Variants in CLNK observed in about 807,000 individuals in gnomAD.
CLNK encodes cytokine-dependent hematopoietic cell linker.
CLNK carries 74 observed loss-of-function variants against 68.6 expected under a neutral mutation model. The ratio of observed to expected loss-of-function variants is 1.08; its 90% CI spans 0.89 to 1.31. The LOEUF is 1.31. Among genes scored for constraint, CLNK ranks in the 50% most tolerant of loss-of-function variants. The probability of loss-of-function intolerance (pLI) is 0.00; values close to 1 mark genes in which losing one functional copy is unlikely to be tolerated. For missense variants in CLNK, 553 were observed against 515.3 expected, an observed-to-expected ratio of 1.07 and a Z score of -0.71; for synonymous variants, 198 against 172.2, an observed-to-expected ratio of 1.15 and a Z score of -1.17.
the CLNK span, among the ~76,000 whole-genome samples, chr4:10,726,102 G>C: frequency 2.6e-5 from 4 of 152,190 alleles, no homozygotes; most frequent in South Asian, 8.3e-4. Flanking sequence ...GGGGTTTCTG[G>C]CAATCTTTGA....
At chr4:10,688,530 T>C (rs1725348904), upstream of CLNK, among the ~76,000 whole-genome samples, 1 of 152,180 alleles carries the variant, frequency 6.6e-6, no homozygotes, top group Non-Finnish European at 1.5e-5. Flanking sequence ...TGTCAAGTTT[T>C]GGAGTTTCAC....
rs1718974686 is a variant in CLNK at position 10,540,595 on chromosome 4, T to A, written c.501A>T (p.Ile167=). 1 of 1,612,984 alleles carries A rather than the reference T, an allele frequency of 6.2e-7. No individual in the cohort carries two copies. The highest frequency in any genetic ancestry group is 2.2e-5 in the East Asian group (1 of 44,892). ...KIPLPPPRPL[I]TLPKKYQPLP... ...AGGGTTGGTACTTCTTCGGAAGTGTTATGAGAGGCCTGTGTGGAGAGTCGC... is the reference window on the plus strand; with the variant it reads ...AGGGTTGGTACTTCTTCGGAAGTGTAATGAGAGGCCTGTGTGGAGAGTCGC... The change falls in exon 11 of 19, where the codon ATA becomes ATT. Residue 167 remains isoleucine, a synonymous_variant. Transcript: ENST00000226951.
intron 1 of CLNK, among the ~76,000 whole-genome samples, chr4:10,677,780 C>G (rs1181973921): frequency 3.3e-5 from 5 of 152,072 alleles, no homozygotes; most frequent in South Asian, 2.1e-4. Context: ...CCGTTATAAA[C>G]TACTCAGTCT....
At chr4:10,632,363 C>T (rs1441687105) in intron 2 of CLNK, among the ~76,000 whole-genome samples, 1 of 152,216 alleles carries the variant, frequency 6.6e-6, no homozygotes, top group African/African-American at 2.4e-5. Flanking sequence ...AAGACAATGT[C>T]CTTAGCCCTT....
At chr4:10,638,436 A>T (rs1723180689) in intron 2 of CLNK, among the ~76,000 whole-genome samples, 1 of 152,216 alleles carries the variant, frequency 6.6e-6, no homozygotes, top group African/African-American at 2.4e-5. Flanking sequence ...TTTGGCGAAA[A>T]GCAGATATAT....
the CLNK span, among the ~76,000 whole-genome samples, chr4:10,722,066 C>T: frequency 6.6e-6 from 1 of 152,056 alleles, no homozygotes; most frequent in Non-Finnish European, 1.5e-5. Flanking sequence ...CCCGGCTACT[C>T]GGGAGGCTGA....
chr4:10,501,163 C>T (rs116499739), intron 18 of CLNK, 93 bp downstream of exon 18: 13,457 of 1,265,018 alleles, frequency 0.011, 121 homozygotes, highest in South Asian at 0.032. Flanking sequence ...TCCTTCAGGG[C>T]GGCATCCTCT....
intron 8 of CLNK, among the ~76,000 whole-genome samples, chr4:10,556,417 C>T (rs531958823): frequency 6.6e-6 from 1 of 152,060 alleles, no homozygotes; most frequent in African/African-American, 2.4e-5. Flanking sequence ...TTTTTATTAA[C>T]TAATATCTTT....
chr4:10,611,500 A>AAAAG (rs776816175), intron 2 of CLNK, among the ~76,000 whole-genome samples: 3 of 150,444 alleles, frequency 2.0e-5, no homozygotes, highest in Non-Finnish European at 4.5e-5. Flanking sequence ...AAGTCTGAAA[A>AAAAG]AAAAAAAAAA....
intron 2 of CLNK, among the ~76,000 whole-genome samples, chr4:10,650,923 T>G (rs2108882109): frequency 6.6e-6 from 1 of 152,188 alleles, no homozygotes; most frequent in Admixed American, 6.5e-5. Flanking sequence ...AAAGAAGACA[T>G]TTATGCGGTC....
At chr4:10,520,940 G>T (rs1718035116) in intron 14 of CLNK, 109 bp from the exon 15 acceptor site, 3 of 789,796 alleles carry the variant, frequency 3.8e-6, no homozygotes, top group East Asian at 5.4e-5. Flanking sequence ...CAGTTATAAA[G>T]CACTTTATAT....
intron 3 of CLNK, among the ~76,000 whole-genome samples, chr4:10,593,480 C>T (rs934988901): frequency 3.3e-5 from 5 of 152,072 alleles, no homozygotes; most frequent in African/African-American, 1.2e-4. Context: ...TATGGCGAAA[C>T]CCCATCTCTA....
At chr4:10,673,909 C>T (rs569827068) in intron 1 of CLNK, among the ~76,000 whole-genome samples, 1 of 152,176 alleles carries the variant, frequency 6.6e-6, no homozygotes, top group South Asian at 2.1e-4. Context: ...CTGGAATGCC[C>T]CAGAAATGGA....
rs750568150 is a variant in CLNK, at chr4:10,490,545, T to C, written c.1209A>G (p.Lys403=). The C allele has an allele frequency of 1.2e-6, 2 of 1,606,688 alleles. No individual in the cohort carries two copies. Among genetic ancestry groups the C allele is most frequent in the East Asian group, 2.2e-5 (1 of 44,800 alleles). The part of the protein sequence containing the change: ...KNFPIILIDG[K]DKTGVHRKQC... Reference sequence around the variant, plus strand: ...GTTTCCTGTGGACCCCAGTTTTATCTTTCCCATCAATTAGTATAATGGGAA... The same window carrying C: ...GTTTCCTGTGGACCCCAGTTTTATCCTTCCCATCAATTAGTATAATGGGAA... Residue 403 remains lysine, a synonymous_variant, in exon 19 of 19, where the codon AAA becomes AAG. Coordinates refer to ENST00000226951, the MANE Select transcript of CLNK (RefSeq NM_052964.4).
At chr4:10,558,549 G>A (rs945611209) in intron 7 of CLNK, 97 bp from the exon 8 acceptor site, 3 of 1,150,706 alleles carry the variant, frequency 2.6e-6, no homozygotes, top group Non-Finnish European at 2.6e-6. Flanking sequence ...CAAGGATAAA[G>A]CCGTAAGTCC....
At chr4:10,583,075 T>A (rs1317558591) in intron 4 of CLNK, among the ~76,000 whole-genome samples, 1 of 152,192 alleles carries the variant, frequency 6.6e-6, no homozygotes, top group African/African-American at 2.4e-5. Context: ...GATCCCATCG[T>A]CAAAAATCAG....
intron 17 of CLNK, among the ~76,000 whole-genome samples, chr4:10,505,087 C>T (rs760014395): frequency 5.3e-5 from 8 of 152,178 alleles, no homozygotes; most frequent in Non-Finnish European, 8.8e-5. Context: ...CGACGGAAAA[C>T]AGGCTCTGTG....
chr4:10,669,406 C>T (rs1330258750), intron 1 of CLNK, among the ~76,000 whole-genome samples: 1 of 152,168 alleles, frequency 6.6e-6, no homozygotes, highest in African/African-American at 2.4e-5. Context: ...TGAGCTTTGT[C>T]TTGCCAGGTA....
At chr4:10,662,687 TAAAAC>T (rs765736737) in intron 2 of CLNK, among the ~76,000 whole-genome samples, 6 of 152,192 alleles carry the variant, frequency 3.9e-5, no homozygotes, top group Non-Finnish European at 8.8e-5. Flanking sequence ...ATGAATGACT[TAAAAC>T]AATGAGTTTT....
Sources: allele counts gnomAD v4.1 joint callset (sites outside exome capture counted in the v4.1 genomes callset), GRCh38; gene constraint gnomAD v4.1.1; transcripts MANE v1.5; gene names NCBI Gene and HGNC (gene_info 2026-07-23, HGNC 2026-07-21).